The following CEMIP variants were observed in gnomAD, a reference collection of about 807,000 sequenced individuals.
CEMIP encodes the protein cell migration inducing hyaluronidase 1, also known as cell migration-inducing and hyaluronan-binding protein.
In CEMIP, 105 loss-of-function variants were observed where a neutral mutation model predicts 156.9. The observed-to-expected ratio is 0.67, with a 90% confidence interval of 0.57 to 0.79. The LOEUF is 0.79. Among genes scored for constraint, CEMIP ranks in the 30% least tolerant of loss-of-function variants. The probability of loss-of-function intolerance (pLI) is 0.00; values close to 1 mark genes in which losing one functional copy is unlikely to be tolerated. For missense variants in CEMIP, 1,457 were observed against 1,769.4 expected, an observed-to-expected ratio of 0.82 and a Z score of 3.17; for synonymous variants, 676 against 668.4, an observed-to-expected ratio of 1.01 and a Z score of -0.17.
At chr15:80,829,987 TGTGTGTGTGTGTGTGCGC>T (rs1326593784) in intron 1 of CEMIP, among the ~76,000 whole-genome samples, 2 of 135,700 alleles carry the variant, frequency 1.5e-5, no homozygotes, top group Non-Finnish European at 3.2e-5. Context: ...TGTGTGTGTG[TGTGTGTGTGTGTGTGCGC>T]GCATGTCCTT....
At chr15:80,876,925 G>A (rs549842347) in intron 3 of CEMIP, among the ~76,000 whole-genome samples, 57 of 152,256 alleles carry the variant, frequency 3.7e-4, no homozygotes, top group African/African-American at 1.3e-3. Flanking sequence ...ACATACCCGC[G>A]GCTGGATAAT....
In CEMIP at chr15:80,933,359, GGCTCCTACC is replaced by G. The variant is rs1188870973; in HGVS notation, c.2909_2917del (p.Gly970_Leu973delinsVal). ...CGACGGCTCCGTGTCCGAGTACCCT[GGCTCCTACC>G]TCACGAAGAATGACAACTGGCTGGT... On this transcript the variant is annotated inframe_deletion, in exon 23 of 30. Transcript: ENST00000394685. 1 of 1,614,172 alleles carries G rather than the reference GGCTCCTACC, an allele frequency of 6.2e-7. No homozygotes were observed. The highest frequency in any genetic ancestry group is 1.3e-5 in the African/African-American group (1 of 75,046).
intron 1 of CEMIP, among the ~76,000 whole-genome samples, chr15:80,836,948 T>G (rs12899568): frequency 0.93 from 141,233 of 152,230 alleles, 66,392 homozygotes; most frequent in East Asian, 1. Context: ...TTGAGTTCTA[T>G]TTTGGAAACG....
intron 5 of CEMIP, 94 bp downstream of exon 5, chr15:80,879,948 G>T (rs1266993440): frequency 8.5e-6 from 12 of 1,412,728 alleles, no homozygotes; most frequent in Non-Finnish European, 1.2e-5. Context: ...GGGCAAGCTT[G>T]CCTGTAAGAT....
chr15:80,829,308 C>T (rs1405883115), intron 1 of CEMIP, among the ~76,000 whole-genome samples: 1 of 152,198 alleles, frequency 6.6e-6, no homozygotes, highest in African/African-American at 2.4e-5. Flanking sequence ...ACCTGAGCAC[C>T]CTCATACGAT....
At chr15:80,910,495 G>C (rs1240510601) in intron 14 of CEMIP, among the ~76,000 whole-genome samples, 2 of 152,254 alleles carry the variant, frequency 1.3e-5, no homozygotes, top group Non-Finnish European at 2.9e-5. Context: ...TGAGGAGGCT[G>C]TCTGTGTGAC....
intron 14 of CEMIP, 133 bp downstream of exon 14, chr15:80,909,439 A>G (rs1245673238): frequency 4.4e-6 from 4 of 908,066 alleles, no homozygotes; most frequent in Non-Finnish European, 7.1e-6. Context: ...TTTCAGAAAG[A>G]TATCAACTGG....
chr15:80,896,657 C>T (rs1370072412), intron 12 of CEMIP, among the ~76,000 whole-genome samples: 1 of 152,130 alleles, frequency 6.6e-6, no homozygotes, highest in Non-Finnish European at 1.5e-5. Flanking sequence ...ACTGGAATCA[C>T]AGATTGTTGA....
chr15:80,865,510 ATAATTG>A (rs930252030), intron 1 of CEMIP, among the ~76,000 whole-genome samples: 23 of 152,148 alleles, frequency 1.5e-4, no homozygotes, highest in African/African-American at 5.6e-4. Flanking sequence ...TTATCTAATT[ATAATTG>A]AATTTAAATT....
intron 8 of CEMIP, 48 bp from the exon 9 acceptor site, chr15:80,888,653 G>T: frequency 1.3e-6 from 2 of 1,555,902 alleles, no homozygotes; most frequent in Non-Finnish European, 1.8e-6. Context: ...ACAACTTTTT[G>T]AATTTGGGGG....
intron 1 of CEMIP, among the ~76,000 whole-genome samples, chr15:80,857,405 G>C (rs1276086454): frequency 1.3e-5 from 2 of 152,222 alleles, no homozygotes; most frequent in South Asian, 4.1e-4. Flanking sequence ...CCAGCTCTTT[G>C]AGGAAATTTC....
In CEMIP at chr15:80,937,871, T is replaced by G; in HGVS notation, c.3299T>G (p.Leu1100Arg). 1 of 1,614,226 alleles carries G rather than the reference T, an allele frequency of 6.2e-7. No individual in the cohort carries two copies. The change falls in exon 25 of 30, where the codon CTG (leucine) becomes CGG (arginine). Residue 1100 changes from leucine (L) to arginine (R), a missense_variant. Coordinates refer to ENST00000394685, the MANE Select transcript of CEMIP (RefSeq NM_001293298.2). ...ATCCTCTCGGATGTTCACAATCGCCTGCTGAAGCAAACGTCCAAGACGGGC... is the reference window on the plus strand; with the variant it reads ...ATCCTCTCGGATGTTCACAATCGCCGGCTGAAGCAAACGTCCAAGACGGGC... The part of the protein sequence containing the change: ...FSILSDVHNR[L>R]LKQTSKTGVF...
intron 25 of CEMIP, among the ~76,000 whole-genome samples, chr15:80,939,756 T>C (rs1187665892): frequency 6.6e-6 from 1 of 152,204 alleles, no homozygotes; most frequent in Non-Finnish European, 1.5e-5. Flanking sequence ...CTGTTTCCTA[T>C]GGAGAAGGGC....
intron 6 of CEMIP, 40 bp from the exon 7 acceptor site, chr15:80,884,135 G>C (rs562929408): frequency 1.2e-6 from 2 of 1,605,856 alleles, no homozygotes; most frequent in South Asian, 2.2e-5. Flanking sequence ...TTTTGGCTGC[G>C]GTCAAGACTA....
chr15:80,884,234 T>G lies in CEMIP; in HGVS notation c.677T>G (p.Val226Gly). The G allele has an allele frequency of 6.2e-7, 1 of 1,614,238 alleles. No homozygotes were observed. The highest frequency in any genetic ancestry group is 8.5e-7 in the Non-Finnish European group (1 of 1,180,038). The change falls in exon 7 of 30, where the codon GTG becomes GGG. Residue 226 changes from valine to glycine, a missense_variant. Around this residue, in one of 5 missense-constraint regions of CEMIP, gnomAD observed 309 missense variants for 340.8 expected, o/e 0.91. Coordinates refer to ENST00000394685, the MANE Select transcript of CEMIP (RefSeq NM_001293298.2). Reference sequence around the variant, plus strand: ...CGTCTGGTCCAGTATTTGAACGCGGTGCCCGATGGCAGGATCCTTTCTGTT... The same window carrying G: ...CGTCTGGTCCAGTATTTGAACGCGGGGCCCGATGGCAGGATCCTTTCTGTT... ...SERLVQYLNAVPDGRILSVAV... is the reference protein window; with the variant it reads ...SERLVQYLNAGPDGRILSVAV...
chr15:80,782,688 C>T (rs1158365065), intron 1 of CEMIP, among the ~76,000 whole-genome samples: 1 of 152,196 alleles, frequency 6.6e-6, no homozygotes, highest in African/African-American at 2.4e-5. Flanking sequence ...TTTTATTCTT[C>T]TCCTCCTTCT....
chr15:80,866,627 AT>A (rs1170993863), intron 1 of CEMIP, among the ~76,000 whole-genome samples: 57 of 149,632 alleles, frequency 3.8e-4, no homozygotes, highest in African/African-American at 1.3e-3. Flanking sequence ...AAATAAATAA[AT>A]AAATAAAATA....
chr15:80,862,488 C>T (rs535810201), intron 1 of CEMIP, among the ~76,000 whole-genome samples: 1 of 152,250 alleles, frequency 6.6e-6, no homozygotes, highest in Admixed American at 6.5e-5. Flanking sequence ...ATTACCAGGT[C>T]CTATGTGTGT....
rs1006344680 is a variant in CEMIP, at chr15:80,922,074, A to G, written c.2139A>G (p.Pro713=). 8.1e-6 allele frequency: 13 copies of G among 1,614,116 alleles called. No homozygotes were observed. The highest frequency in any genetic ancestry group is 1.3e-5 in the African/African-American group (1 of 74,952). ...GCCCCTCCGTGGGAATGTACTCCCC[A>G]GGTTATTCAGAGCACATTCCACTGG... ...PTGPSVGMYS[P]GYSEHIPLGK... Residue 713 remains proline, a synonymous_variant, in exon 17 of 30, where the codon CCA becomes CCG. Coordinates refer to ENST00000394685, the MANE Select transcript of CEMIP (RefSeq NM_001293298.2).
Sources: allele counts gnomAD v4.1 joint callset (sites outside exome capture counted in the v4.1 genomes callset), GRCh38; gene constraint gnomAD v4.1.1; regional missense constraint gnomAD v4.1.1; transcripts MANE v1.5; gene names NCBI Gene and HGNC (gene_info 2026-07-23, HGNC 2026-07-21).